NXPE3: variants seen among roughly 807,000 people sequenced by gnomAD.
NXPE3 encodes NXPE family member 3.
NXPE3 carries 26 observed loss-of-function variants against 46.1 expected under a neutral mutation model. That is an observed-to-expected ratio of 0.56 (90% confidence interval 0.41 to 0.78). The LOEUF (loss-of-function observed/expected upper bound fraction) is 0.78, where lower values mean the gene tolerates loss of function less well. Among genes scored for constraint, NXPE3 ranks in the 30% least tolerant of loss-of-function variants. The pLI is 0.00. For synonymous variants in NXPE3, 272 were observed against 257.9 expected (o/e 1.05, Z -0.52); for missense variants, 620 against 686.0 (o/e 0.90, Z 1.07).
chr3:101,784,677 G>A lies in NXPE3; in HGVS notation c.-195-725G>A, dbSNP rs74431311. On this transcript the variant is annotated intron_variant, in intron 3 of 7. Coordinates refer to ENST00000273347, the MANE Select transcript of NXPE3 (RefSeq NM_145037.4). Reference sequence around the variant, plus strand: ...TGGAAAGAGCATTTGAATTTGTTACGTGGGAGAACAGTTAGGCACTGCTGA... The same window carrying A: ...TGGAAAGAGCATTTGAATTTGTTACATGGGAGAACAGTTAGGCACTGCTGA... Among the ~76,000 whole-genome samples the A allele has an allele frequency of 3.5e-4, 54 of 152,268 alleles. 1 individual carries two copies. The East Asian group carries it at 9.5e-3, about 27-fold the overall frequency.
At chr3:101,803,964 G>A (rs150465497) in intron 5 of NXPE3, among the ~76,000 whole-genome samples, 42 of 152,294 alleles carry the variant, frequency 2.8e-4, no homozygotes, top group African/African-American at 9.4e-4. Context: ...ATACATCCTA[G>A]TTGCACATAT....
chr3:101,816,297 A>G (rs1272019072), intron 6 of NXPE3, among the ~76,000 whole-genome samples: 1 of 151,636 alleles, frequency 6.6e-6, no homozygotes, highest in Admixed American at 6.6e-5. Flanking sequence ...TTTACTTTTA[A>G]GTTCTGGGAT....
chr3:101,818,910 C>T (rs1285949232), intron 7 of NXPE3, among the ~76,000 whole-genome samples: 2 of 150,692 alleles, frequency 1.3e-5, no homozygotes, highest in Admixed American at 6.6e-5. Context: ...AGATTACAGG[C>T]ACCTGACACC....
rs765935585 is a variant in NXPE3, at chr3:101,801,230, T to C, written c.94-5T>C. On this transcript the variant is annotated splice_polypyrimidine_tract_variant and splice_region_variant and intron_variant, in intron 4 of 7. Transcript: ENST00000273347. ...AATTTCTGTTGTTTGTGTCTTCTTC[T>C]TCAGTACTTGGACCATGAGACTGTT... 11 of 1,596,592 alleles carry C rather than the reference T, an allele frequency of 6.9e-6. No individual in the cohort carries two copies. The highest frequency in any genetic ancestry group is 9.4e-6 in the Non-Finnish European group (11 of 1,171,250).
chr3:101,799,928 T>C (rs1005894932), intron 4 of NXPE3, among the ~76,000 whole-genome samples: 4 of 152,154 alleles, frequency 2.6e-5, no homozygotes, highest in Non-Finnish European at 4.4e-5. Flanking sequence ...TCATTTCTGA[T>C]ATTAATAATT....
chr3:101,813,431 C>G (rs1190813032), intron 6 of NXPE3, among the ~76,000 whole-genome samples: 1 of 152,086 alleles, frequency 6.6e-6, no homozygotes, highest in Non-Finnish European at 1.5e-5. Context: ...ATTTATCTCT[C>G]TGCCTTTTTC....
intron 3 of NXPE3, among the ~76,000 whole-genome samples, chr3:101,783,029 C>G (rs907777264): frequency 3.3e-5 from 5 of 152,070 alleles, no homozygotes; most frequent in Non-Finnish European, 7.4e-5. Context: ...CAAAAACTGC[C>G]AAGAGGTGAC....
intron 4 of NXPE3, among the ~76,000 whole-genome samples, chr3:101,790,647 C>T (rs1025380346): frequency 9.9e-5 from 15 of 152,110 alleles, no homozygotes; most frequent in African/African-American, 3.6e-4. Flanking sequence ...GGCTGGAGTG[C>T]AGTGGCATGA....
rs756199040 is a variant in NXPE3 at position 101,816,991 on chromosome 3, A to T, written c.1119A>T (p.Thr373=). 6.2e-7 allele frequency: 1 copy of T among 1,613,992 alleles called. No homozygotes were observed. The highest frequency in any genetic ancestry group is 8.5e-7 in the Non-Finnish European group (1 of 1,179,924). ...GGCAATGGTTTGAATACCTTACTAC[A>T]TTTGTTCCAGGTTGGTACTGTGCCT... ...TIRQWFEYLT[T]FVPDLVEFNL... Residue 373 remains threonine (T), a synonymous_variant, in exon 7 of 8, where the codon ACA becomes ACT. Transcript: ENST00000273347.
rs1180959979 is a variant in NXPE3 at position 101,823,725 on chromosome 3, A to G, written c.*1771A>G. 2.0e-5 allele frequency: 3 copies of G among 152,122 alleles called. No homozygotes were observed. The highest frequency in any genetic ancestry group is 2.0e-4 in the Admixed American group (3 of 15,282). 9.4% of individuals were successfully genotyped at this position (152,122 alleles called of 1,614,324 possible). ...GGCTGCAGTGAGTTATGATTGCGCC[A>G]CTACACTCCCACTTGGGCAACAGAC... On this transcript the variant is annotated 3_prime_UTR_variant, in exon 8 of 8. Transcript: ENST00000273347.
rs201698560 is a variant in NXPE3 at position 101,821,314 on chromosome 3, ATTG to A, written c.1130-87_1130-85del. The A allele has an allele frequency of 2.3e-3, 2,342 of 1,034,074 alleles. 60 individuals carry two copies. In the East Asian group the frequency reaches 0.048, roughly 21 times the overall value. 64.1% of individuals were successfully genotyped at this position (1,034,074 alleles called of 1,614,324 possible). ...ACCTTTTTGTTGTACTTAAAAAAAA[ATTG>A]TTATTTGAAGCCACTTAATAAGGTA... On this transcript the variant is annotated intron_variant, in intron 7 of 7. Transcript: ENST00000273347.
chr3:101,802,018 T>C, intron 5 of NXPE3, 29 bp downstream of exon 5: 3 of 1,558,052 alleles, frequency 1.9e-6, no homozygotes, highest in Non-Finnish European at 2.6e-6. Context: ...TGGGGATGAT[T>C]TGAAGAGTTC....
At chr3:101,821,286 T>C (rs1270001460) in intron 7 of NXPE3, 118 bp from the exon 8 acceptor site, 2 of 737,870 alleles carry the variant, frequency 2.7e-6, no homozygotes, top group South Asian at 1.9e-5. Context: ...ACATTTATAT[T>C]GTACCTTTTT....
rs760559318 is a variant in NXPE3 at position 101,807,128 on chromosome 3, TA to T, written c.922+10del. On this transcript the variant is annotated splice_donor_region_variant and intron_variant, in intron 6 of 7. Coordinates refer to ENST00000273347, the MANE Select transcript of NXPE3 (RefSeq NM_145037.4). ...CTGTGATTCCCAGGAGAATAAAAGG[TA>T]AAAAAAAGAATAAGCTTGATGATTT... The T allele has an allele frequency of 4.2e-5, 68 of 1,606,054 alleles. No individual in the cohort carries two copies. The highest frequency in any genetic ancestry group is 2.2e-4 in the Admixed American group (13 of 59,646).
intron 6 of NXPE3, among the ~76,000 whole-genome samples, chr3:101,814,086 A>G (rs371649410): frequency 2.6e-5 from 4 of 152,364 alleles, no homozygotes; most frequent in Non-Finnish European, 4.4e-5. Flanking sequence ...CCTGTGTGAC[A>G]TATACTTTTC....
chr3:101,813,562 T>G (rs1238662944), intron 6 of NXPE3, among the ~76,000 whole-genome samples: 1 of 152,126 alleles, frequency 6.6e-6, no homozygotes, highest in Non-Finnish European at 1.5e-5. Context: ...CAAGAAATTT[T>G]AGAGATGCAG....
chr3:101,801,784 CGTTCA>C lies in NXPE3; in HGVS notation c.645_649del (p.Ser216LysfsTer4). 6.2e-7 allele frequency: 1 copy of C among 1,614,182 alleles called. No homozygotes were observed. The highest frequency in any genetic ancestry group is 2.2e-5 in the East Asian group (1 of 44,890). Reference sequence around the variant, plus strand: ...CAGGGTCTATTTCAAGAGTCTCTTCCGTTCAGGAAGAATTTCTGAAACTACTGAGT... The same window carrying C: ...CAGGGTCTATTTCAAGAGTCTCTTCCGGAAGAATTTCTGAAACTACTGAGT... On this transcript the variant is annotated frameshift_variant, in exon 5 of 8. Coordinates refer to ENST00000273347, the MANE Select transcript of NXPE3 (RefSeq NM_145037.4). LOFTEE classifies it high-confidence loss of function.
At chr3:101,793,455 A>T (rs935335784) in intron 4 of NXPE3, among the ~76,000 whole-genome samples, 17 of 152,066 alleles carry the variant, frequency 1.1e-4, no homozygotes, top group Admixed American at 4.6e-4. Flanking sequence ...ATCTAATCTG[A>T]CAATCTCTGC....
At chr3:101,799,526 A>G (rs1056710628) in intron 4 of NXPE3, among the ~76,000 whole-genome samples, 28 of 152,140 alleles carry the variant, frequency 1.8e-4, no homozygotes, top group Admixed American at 3.9e-4. Flanking sequence ...TCCTGGGTTC[A>G]AGCAGTTCTC....
Sources: allele counts gnomAD v4.1 joint callset (sites outside exome capture counted in the v4.1 genomes callset), GRCh38; gene constraint gnomAD v4.1.1; transcripts MANE v1.5; gene names NCBI Gene and HGNC (gene_info 2026-07-23, HGNC 2026-07-21).